ZNF654: variants seen among roughly 807,000 people sequenced by gnomAD.
ZNF654 encodes zinc finger protein 654.
In ZNF654, 19 loss-of-function variants were observed where a neutral mutation model predicts 95.3. The ratio of observed to expected loss-of-function variants is 0.20; its 90% CI spans 0.14 to 0.29. The LOEUF is 0.29. Among genes scored for constraint, ZNF654 ranks in the 10% least tolerant of loss-of-function variants. The pLI is 1.00. For missense variants in ZNF654, 1,046 were observed against 1,341.0 expected, an observed-to-expected ratio of 0.78 and a Z score of 3.44; for synonymous variants, 413 against 457.9, an observed-to-expected ratio of 0.90 and a Z score of 1.25.
chr3:88,119,459 G>T (rs1705634614), intron 3 of ZNF654, among the ~76,000 whole-genome samples: 2 of 147,748 alleles, frequency 1.4e-5, no homozygotes, highest in Non-Finnish European at 3.0e-5. Context: ...GAGTTAGTGG[G>T]TGTGCGCACC....
intron 2 of ZNF654, among the ~76,000 whole-genome samples, chr3:88,100,637 G>T (rs1435786878): frequency 2.0e-5 from 3 of 152,236 alleles, no homozygotes; most frequent in East Asian, 3.9e-4. Context: ...GCCATAAAAA[G>T]GATGAGTTCA....
intron 2 of ZNF654, among the ~76,000 whole-genome samples, chr3:88,089,777 G>A (rs1291854000): frequency 2.0e-5 from 3 of 152,154 alleles, no homozygotes; most frequent in African/African-American, 7.2e-5. Context: ...CCTGAGTTAT[G>A]TTCCTACTGC....
chr3:88,085,871 AATG>A (rs1414809419), intron 1 of ZNF654, among the ~76,000 whole-genome samples: 3 of 152,196 alleles, frequency 2.0e-5, no homozygotes, highest in Non-Finnish European at 4.4e-5. Flanking sequence ...TATAAATAAT[AATG>A]ATAATAATAA....
Position 88,113,169 on chromosome 3 carries a change from C to G in ZNF654, c.387C>G (p.Pro129=). Reference sequence around the variant, plus strand: ...GAAGAGATGAGTTTTATGAAGAGCCCTTAAAGGATATTCTTGGATCATTCC... The same window carrying G: ...GAAGAGATGAGTTTTATGAAGAGCCGTTAAAGGATATTCTTGGATCATTCC... ...FFGRDEFYEE[P]LKDILGSFQE... is the part of the protein sequence containing the mutation. Residue 129 remains proline, a synonymous_variant, in exon 3 of 9, where the codon CCC becomes CCG. Coordinates refer to ENST00000636215, the MANE Select transcript of ZNF654 (RefSeq NM_001350134.2). The G allele has an allele frequency of 6.5e-7, 1 of 1,533,820 alleles. No individual in the cohort carries two copies. The highest frequency in any genetic ancestry group is 1.2e-5 in the South Asian group (1 of 83,922).
At chr3:88,064,422 G>A (rs1707080910) in intron 1 of ZNF654, among the ~76,000 whole-genome samples, 1 of 152,130 alleles carries the variant, frequency 6.6e-6, no homozygotes, top group Non-Finnish European at 1.5e-5. Flanking sequence ...GTGTCCAAAT[G>A]TTCAGTGTCT....
chr3:88,126,579 C>CT (rs144091813), intron 4 of ZNF654, among the ~76,000 whole-genome samples: 49 of 81,756 alleles, frequency 6.0e-4, no homozygotes, highest in African/African-American at 1.7e-3. Flanking sequence ...GTAGAAACAT[C>CT]TTTTTTTTTT....
chr3:88,062,744 C>T (rs1371307977), intron 1 of ZNF654, among the ~76,000 whole-genome samples: 5 of 152,100 alleles, frequency 3.3e-5, no homozygotes, highest in African/African-American at 7.2e-5. Context: ...AAAATTATTT[C>T]ATACTACAGT....
At chr3:88,068,647 T>G (rs1480066593) in intron 1 of ZNF654, among the ~76,000 whole-genome samples, 1 of 152,210 alleles carries the variant, frequency 6.6e-6, no homozygotes, top group African/African-American at 2.4e-5. Flanking sequence ...TATATGTATA[T>G]GCTGTATATA....
intron 8 of ZNF654, 152 bp downstream of exon 8, chr3:88,141,200 A>C (rs958588610): frequency 1.2e-6 from 1 of 852,610 alleles, no homozygotes; most frequent in Non-Finnish European, 1.7e-6. Flanking sequence ...TAATACATAC[A>C]ACCACTATGA....
chr3:88,093,840 A>C (rs1703890443), intron 2 of ZNF654, among the ~76,000 whole-genome samples: 1 of 152,212 alleles, frequency 6.6e-6, no homozygotes, highest in Non-Finnish European at 1.5e-5. Context: ...GCTAATTATA[A>C]AGGTACATTT....
chr3:88,083,321 G>A (rs1246448335), intron 1 of ZNF654, among the ~76,000 whole-genome samples: 1 of 152,160 alleles, frequency 6.6e-6, no homozygotes, highest in African/African-American at 2.4e-5. Flanking sequence ...CATTTTGACA[G>A]TTTTGACTGA....
At chr3:88,123,063 T>C (rs1319271473) in intron 3 of ZNF654, among the ~76,000 whole-genome samples, 1 of 151,570 alleles carries the variant, frequency 6.6e-6, no homozygotes, top group Non-Finnish European at 1.5e-5. Context: ...TGTGTATATA[T>C]ACCCTAGGAG....
intron 1 of ZNF654, among the ~76,000 whole-genome samples, chr3:88,059,895 G>C (rs1194589987): frequency 6.6e-6 from 1 of 151,938 alleles, no homozygotes; most frequent in Non-Finnish European, 1.5e-5. Context: ...AACATTTTCT[G>C]CCTTCCCCTC....
Position 88,070,239 on chromosome 3 carries a change from A to G in ZNF654, c.186+10734A>G, listed in dbSNP as rs1008717828. ...AAATTTGGACACAATACTATTCTTC[A>G]TAACATTAATTATAATTAATGTAAT... On this transcript the variant is annotated intron_variant, in intron 1 of 8. Transcript: ENST00000636215. Among the ~76,000 whole-genome samples, 4 of 152,328 alleles carry G rather than the reference A, an allele frequency of 2.6e-5. No homozygotes were observed. In the East Asian group the frequency reaches 5.8e-4, roughly 22 times the overall value.
chr3:88,138,672 A>C (rs1706951355), intron 7 of ZNF654, 33 bp from the exon 8 acceptor site: 2 of 1,207,352 alleles, frequency 1.7e-6, no homozygotes, highest in African/African-American at 1.6e-5. Flanking sequence ...TTTGGAAAAA[A>C]AGTATTTAGC....
chr3:88,075,492 T>A (rs144717002), intron 1 of ZNF654, among the ~76,000 whole-genome samples: 1 of 152,340 alleles, frequency 6.6e-6, no homozygotes, highest in African/African-American at 2.4e-5. Context: ...TGGAACTACT[T>A]TTGTTGTTTC....
At chr3:88,089,826 G>A (rs767641924) in intron 2 of ZNF654, among the ~76,000 whole-genome samples, 12 of 152,116 alleles carry the variant, frequency 7.9e-5, no homozygotes, top group Non-Finnish European at 1.5e-4. Flanking sequence ...ATAAGATTTT[G>A]GGCTAGTCCA....
chr3:88,088,440 G>C (rs990257504), intron 2 of ZNF654, among the ~76,000 whole-genome samples: 2 of 151,986 alleles, frequency 1.3e-5, no homozygotes, highest in Non-Finnish European at 2.9e-5. Context: ...GAGAAGTTAC[G>C]TACAACATTA....
At chr3:88,096,749 A>G (rs1704085614) in intron 2 of ZNF654, among the ~76,000 whole-genome samples, 1 of 152,120 alleles carries the variant, frequency 6.6e-6, no homozygotes. Context: ...TCATGGTTCA[A>G]AATTCGAAAA....
Sources: allele counts gnomAD v4.1 joint callset (sites outside exome capture counted in the v4.1 genomes callset), GRCh38; gene constraint gnomAD v4.1.1; transcripts MANE v1.5; gene names NCBI Gene and HGNC (gene_info 2026-07-23, HGNC 2026-07-21).